Variants in HTR7 observed in about 807,000 individuals in gnomAD.
The protein encoded by HTR7 is 5-HT-7.
A neutral mutation model predicts 34.0 loss-of-function variants in HTR7; 16 were observed. The observed-to-expected ratio is 0.47, with a 90% CI of 0.32 to 0.71. The LOEUF is 0.71. HTR7 is among the 30% of genes least tolerant of loss of function. The pLI is 0.04. For missense variants in HTR7, 504 were observed against 625.5 expected (o/e 0.81, Z 2.07); for synonymous variants, 265 against 260.2 (o/e 1.02, Z -0.18).
intron 1 of HTR7, among the ~76,000 whole-genome samples, chr10:90,848,809 T>C (rs2120116900): frequency 6.6e-6 from 1 of 152,350 alleles, no homozygotes; most frequent in East Asian, 1.9e-4. Context: ...ATAGCAATAC[T>C]TCTCTAAGTA....
intron 1 of HTR7, among the ~76,000 whole-genome samples, chr10:90,789,768 T>C (rs757270796): frequency 2.0e-5 from 3 of 152,154 alleles, no homozygotes; most frequent in South Asian, 2.1e-4. Flanking sequence ...ACATTTGGAT[T>C]TGGGGAGGTC....
intron 1 of HTR7, among the ~76,000 whole-genome samples, chr10:90,794,636 G>A (rs909600462): frequency 6.6e-6 from 1 of 152,040 alleles, no homozygotes; most frequent in African/African-American, 2.4e-5. Flanking sequence ...AAGTAACTGG[G>A]ACTAAAGGTG....
At chr10:90,785,310 G>A (rs578191802) in intron 1 of HTR7, among the ~76,000 whole-genome samples, 4 of 152,174 alleles carry the variant, frequency 2.6e-5, no homozygotes, top group African/African-American at 9.6e-5. Context: ...ATAAACATCA[G>A]AGGCAGCTAG....
At position 90,748,927 on chromosome 10, in the gene HTR7, A is replaced by G; in HGVS notation, c.1207T>C (p.Tyr403His). Residue 403 changes from tyrosine (Y) to histidine (H), a missense_variant, in exon 2 of 4, where the codon TAC (tyrosine) becomes CAC (histidine). Around this residue, in one of 4 missense-constraint regions of HTR7, gnomAD observed 154 missense variants for 212.1 expected, o/e 0.73. Transcript: ENST00000336152. ...TTYRSLLQCQ[Y>H]RNINRKLSAA... is the part of the protein sequence containing the mutation. Reference sequence around the variant, plus strand: ...GAGAGCTTCCGGTTGATATTCCGGTACTGGCACTGGAGCAGGCTGCGATAG... The same window carrying G: ...GAGAGCTTCCGGTTGATATTCCGGTGCTGGCACTGGAGCAGGCTGCGATAG... 2 of 1,614,174 alleles carry G rather than the reference A, an allele frequency of 1.2e-6. No homozygotes were observed. The highest frequency in any genetic ancestry group is 1.7e-6 in the Non-Finnish European group (2 of 1,180,022).
At chr10:90,770,683 T>G (rs957270115) in intron 1 of HTR7, among the ~76,000 whole-genome samples, 7 of 152,190 alleles carry the variant, frequency 4.6e-5, no homozygotes, top group Admixed American at 1.3e-4. Flanking sequence ...CTCTAGACAT[T>G]GGGCACCAAC....
intron 1 of HTR7, among the ~76,000 whole-genome samples, chr10:90,782,986 G>A (rs892904973): frequency 3.9e-4 from 60 of 152,256 alleles, no homozygotes; most frequent in African/African-American, 1.3e-3. Context: ...GAAGTGCCTT[G>A]TTTCCTGATA....
intron 1 of HTR7, among the ~76,000 whole-genome samples, chr10:90,847,716 A>G (rs1846430637): frequency 6.6e-6 from 1 of 152,202 alleles, no homozygotes; most frequent in Admixed American, 6.5e-5. Flanking sequence ...AGTTCCTGTA[A>G]CCATGAACAA....
Position 90,749,708 on chromosome 10 carries a change from G to T in HTR7, c.540-114C>A. Reference sequence around the variant, plus strand: ...TCCTCGCAACAGCCCTTCTAGGTAGGCATCATTACTCCCATTTTGCAGAAA... The same window carrying T: ...TCCTCGCAACAGCCCTTCTAGGTAGTCATCATTACTCCCATTTTGCAGAAA... On this transcript the variant is annotated intron_variant, in intron 1 of 3. Coordinates refer to ENST00000336152, the MANE Select transcript of HTR7 (RefSeq NM_019859.4). This position sits in a 1 kb window ranked among gnomAD's most constrained non-coding sequence, Gnocchi z 4.2. 2.2e-6 allele frequency: 2 copies of T among 895,992 alleles called. No homozygotes were observed. The highest frequency in any genetic ancestry group is 1.7e-5 in the South Asian group (1 of 59,942). The allele number at this position is 895,992 out of a possible 1,614,324, so 55.5% of individuals were successfully genotyped here. A position where few individuals can be genotyped will look rare whatever the true frequency, so the allele number is the denominator to read the frequency against.
At chr10:90,758,927 C>A (rs533133766) in intron 1 of HTR7, among the ~76,000 whole-genome samples, 5 of 152,112 alleles carry the variant, frequency 3.3e-5, no homozygotes, top group African/African-American at 1.2e-4. Flanking sequence ...GTGGCTCATG[C>A]CTGTAATCCC....
chr10:90,852,364 C>T (rs1406025098), intron 1 of HTR7, among the ~76,000 whole-genome samples: 2 of 151,884 alleles, frequency 1.3e-5, no homozygotes, highest in African/African-American at 4.8e-5. Context: ...CGGACTGTTA[C>T]AACAATAAAA....
chr10:90,808,226 CTCTG>C (rs1159844399), intron 1 of HTR7, among the ~76,000 whole-genome samples: 6 of 152,128 alleles, frequency 3.9e-5, no homozygotes, highest in Non-Finnish European at 5.9e-5. Context: ...AACCCCTTCT[CTCTG>C]TGTCTCTACC....
intron 1 of HTR7, among the ~76,000 whole-genome samples, chr10:90,797,437 T>C (rs912557881): frequency 6.6e-6 from 1 of 152,224 alleles, no homozygotes; most frequent in Admixed American, 6.5e-5. Context: ...GTTAGAATTG[T>C]ATCAAAAATA....
At chr10:90,791,809 C>T (rs1845464068) in intron 1 of HTR7, among the ~76,000 whole-genome samples, 1 of 152,122 alleles carries the variant, frequency 6.6e-6, no homozygotes, top group Non-Finnish European at 1.5e-5. Context: ...TTCTCACAAA[C>T]ATGAAAATTA....
At position 90,770,463 on chromosome 10, in the gene HTR7, T is replaced by A. The variant is rs1255582881; in HGVS notation, c.540-20869A>T. Among the ~76,000 whole-genome samples, 5 of 152,238 alleles carry A rather than the reference T, an allele frequency of 3.3e-5. No homozygotes were observed. The East Asian group carries it at 9.7e-4, about 30-fold the overall frequency. ...CTCCCACCCTCCCAGGCACAGGACCTGGGGTCTCTGACTCTGTATCCTCAG... is the reference window on the plus strand; with the variant it reads ...CTCCCACCCTCCCAGGCACAGGACCAGGGGTCTCTGACTCTGTATCCTCAG... On this transcript the variant is annotated intron_variant, in intron 1 of 3. Transcript: ENST00000336152.
chr10:90,801,143 A>G (rs1483296106), intron 1 of HTR7, among the ~76,000 whole-genome samples: 1 of 152,336 alleles, frequency 6.6e-6, no homozygotes, highest in East Asian at 1.9e-4. Context: ...AATGGAGAGC[A>G]GTCTTCAGCG....
At chr10:90,835,961 C>T (rs756266972) in intron 1 of HTR7, among the ~76,000 whole-genome samples, 7 of 152,142 alleles carry the variant, frequency 4.6e-5, no homozygotes, top group Non-Finnish European at 8.8e-5. Context: ...AGGAAGTACA[C>T]AAGGAAAGGG....
At position 90,783,301 on chromosome 10, in the gene HTR7, T is replaced by C. The variant is rs1241851044; in HGVS notation, c.540-33707A>G. On this transcript the variant is annotated intron_variant, in intron 1 of 3. Coordinates refer to ENST00000336152, the MANE Select transcript of HTR7 (RefSeq NM_019859.4). Reference sequence around the variant, plus strand: ...CCCAAGTTGAAAAGGCAAATTTCCCTGGCAAATTTTCCTCCCCTGGGTCAT... The same window carrying C: ...CCCAAGTTGAAAAGGCAAATTTCCCCGGCAAATTTTCCTCCCCTGGGTCAT... Among the ~76,000 whole-genome samples, 7 of 152,204 alleles carry C rather than the reference T, an allele frequency of 4.6e-5. No homozygotes were observed. In the East Asian group the frequency reaches 1.2e-3, roughly 25 times the overall value.
intron 1 of HTR7, among the ~76,000 whole-genome samples, chr10:90,810,740 G>C (rs950619828): frequency 6.6e-6 from 1 of 152,014 alleles, no homozygotes; most frequent in African/African-American, 2.4e-5. Flanking sequence ...CACTTGGACT[G>C]ACCCTGACAC....
intron 1 of HTR7, among the ~76,000 whole-genome samples, chr10:90,811,260 C>T (rs1038593454): frequency 3.3e-5 from 5 of 152,168 alleles, no homozygotes; most frequent in African/African-American, 9.7e-5. Context: ...ATCATGTCTC[C>T]GTGCAGTGGC....
Sources: gnomAD v4.1 joint callset for allele counts (sites outside exome capture counted in the v4.1 genomes callset) on GRCh38, gnomAD v4.1.1 for gene constraint, gnomAD v4.1.1 regional missense constraint, Gnocchi (gnomAD v3.1) non-coding constraint, MANE v1.5 for transcripts, NCBI Gene and HGNC (gene_info 2026-07-23, HGNC 2026-07-21) for gene names.